Variants in APC observed in about 807,000 individuals in gnomAD.
APC encodes adenomatous polyposis coli protein.
Under a neutral mutation model 247.0 loss-of-function variants are expected in APC, and 72 were observed. The ratio of observed to expected loss-of-function variants is 0.29; its 90% CI spans 0.24 to 0.35. APC has a LOEUF of 0.35. Ranked by LOEUF, APC falls within the 10% of genes least tolerant of loss-of-function variation. APC has a pLI of 1.00. For synonymous variants in APC, 1,254 were observed against 1,162.5 expected (o/e 1.08, Z -1.60); for missense variants, 3,400 against 3,360.7 (o/e 1.01, Z -0.29).
At chr5:112,827,341 C>G (rs2149811316) in intron 12 of APC, 94 bp downstream of exon 12, 1 of 1,362,724 alleles carries the variant, frequency 7.3e-7, no homozygotes, top group Admixed American at 1.8e-5. Context: ...TTTTTTTTCA[C>G]TCTCCTCATT....
At chr5:112,716,457 G>C (rs1188485660) in intron 1 of APC, among the ~76,000 whole-genome samples, 1 of 152,068 alleles carries the variant, frequency 6.6e-6, no homozygotes, top group East Asian at 1.9e-4. Context: ...TCAAAGGCCT[G>C]TTATTTCAGA....
At chr5:112,718,340 G>A (rs1751295777) in intron 1 of APC, among the ~76,000 whole-genome samples, 1 of 152,202 alleles carries the variant, frequency 6.6e-6, no homozygotes, top group Admixed American at 6.5e-5. Context: ...GCCTGGGGGT[G>A]TGAGAACATC....
At chr5:112,762,346 C>G (rs1464918168) in intron 2 of APC, among the ~76,000 whole-genome samples, 1 of 152,132 alleles carries the variant, frequency 6.6e-6, no homozygotes, top group Non-Finnish European at 1.5e-5. Flanking sequence ...GAAATGTACT[C>G]AAGAGAAGTG....
At chr5:112,711,898 T>A (rs1042921453) in intron 1 of APC, among the ~76,000 whole-genome samples, 2 of 152,076 alleles carry the variant, frequency 1.3e-5, no homozygotes, top group African/African-American at 2.4e-5. Flanking sequence ...AAAAAAAAAA[T>A]TGCCACCAAT....
intron 8 of APC, among the ~76,000 whole-genome samples, chr5:112,812,340 A>T (rs1192357913): frequency 1.3e-5 from 2 of 152,158 alleles, no homozygotes; most frequent in African/African-American, 4.8e-5. Context: ...ACCAAGAAAA[A>T]GGTTCCTTGT....
chr5:112,826,340 CT>C (rs897950053), intron 11 of APC, among the ~76,000 whole-genome samples: 3 of 151,150 alleles, frequency 2.0e-5, no homozygotes, highest in Non-Finnish European at 4.4e-5. Context: ...TTTTGCTTCA[CT>C]TTTTTTTTAA....
intron 1 of APC, among the ~76,000 whole-genome samples, chr5:112,728,477 A>G (rs1199446013): frequency 1.3e-5 from 2 of 152,208 alleles, no homozygotes; most frequent in Non-Finnish European, 2.9e-5. Flanking sequence ...AGTGTTGCTC[A>G]GGGAAGCCAA....
intron 2 of APC, among the ~76,000 whole-genome samples, chr5:112,758,560 C>T (rs1203181396): frequency 2.6e-5 from 4 of 151,926 alleles, no homozygotes; most frequent in Non-Finnish European, 5.9e-5. Context: ...CTCCTGACCT[C>T]GTGATCCACC....
rs757901425 is a variant in APC at position 112,843,651 on chromosome 5, T to C, written c.8057T>C (p.Val2686Ala). The C allele has an allele frequency of 1.8e-5, 29 of 1,613,774 alleles. No individual in the cohort carries two copies. Among genetic ancestry groups the C allele is most frequent in the Non-Finnish European group, 2.4e-5 (28 of 1,179,830 alleles). Reference protein sequence around the residue: ...TGNTPPVIDSVSEKANPNIKD... With the variant: ...TGNTPPVIDSASEKANPNIKD... The stretch of plus-strand genomic sequence containing the variant: ...AATACTCCCCCGGTGATTGACAGTG[T>C]TTCAGAAAAGGCAAATCCAAACATT... The change falls in exon 16 of 16, where the codon GTT (valine) becomes GCT (alanine). Residue 2686 changes from valine to alanine, a missense_variant. By Grantham distance (64) the Val-to-Ala change is moderately conservative. Around this residue, in one of 9 missense-constraint regions of APC, gnomAD observed 1,788 missense variants for 1,649.5 expected, o/e 1.08. Transcript: ENST00000257430. The surrounding 1 kb of genome is among the most constrained non-coding windows in gnomAD (Gnocchi z 4.8).
At chr5:112,746,702 A>T (rs1753725272) in intron 1 of APC, among the ~76,000 whole-genome samples, 1 of 152,246 alleles carries the variant, frequency 6.6e-6, no homozygotes, top group Admixed American at 6.5e-5. Context: ...AAATTTACTG[A>T]AATCTGAGTA....
At chr5:112,780,591 G>A (rs972422706) in intron 5 of APC, among the ~76,000 whole-genome samples, 199 bp from the exon 6 acceptor site, 5 of 152,066 alleles carry the variant, frequency 3.3e-5, no homozygotes, top group African/African-American at 9.7e-5. Flanking sequence ...TGAATTCCAC[G>A]TCACATCAGG....
chr5:112,817,058 T>C (rs1005905985), intron 9 of APC, among the ~76,000 whole-genome samples: 3 of 151,516 alleles, frequency 2.0e-5, no homozygotes, highest in African/African-American at 4.8e-5. Context: ...TTAGTAGAGA[T>C]GGGGTTTTGC....
intron 11 of APC, 97 bp downstream of exon 11, chr5:112,822,088 T>C: frequency 1.1e-6 from 1 of 880,728 alleles, no homozygotes; most frequent in Non-Finnish European, 1.8e-6. Context: ...TTTTAATCAT[T>C]GATGAATTAG....
chr5:112,836,166 C>A lies in APC; in HGVS notation c.1958+1001C>A, dbSNP rs200528123. ...CTCCCGAGTAGCTGGGATTACAGGT[C>A]CCCCCCCCCCCCCGCCACCGTGCCC... On this transcript the variant is annotated intron_variant, in intron 15 of 15. Coordinates refer to ENST00000257430, the MANE Select transcript of APC (RefSeq NM_000038.6). Among the ~76,000 whole-genome samples, 2 of 5,856 alleles carry A rather than the reference C, an allele frequency of 3.4e-4. 1 individual carries two copies. The highest frequency in any genetic ancestry group is 8.5e-4 in the Non-Finnish European group (2 of 2,352). 3.8% of individuals were successfully genotyped at this position (5,856 alleles called of 152,430 possible). A position where few individuals can be genotyped will look rare whatever the true frequency, so the allele number is the denominator to read the frequency against.
chr5:112,735,355 C>G (rs1024788216), upstream of APC, among the ~76,000 whole-genome samples: 4 of 151,936 alleles, frequency 2.6e-5, no homozygotes, highest in Non-Finnish European at 5.9e-5. Flanking sequence ...TTTTTGTATT[C>G]TTGGTAGAAA....
chr5:112,745,548 TTTATTATTA>T (rs139166227), intron 1 of APC, among the ~76,000 whole-genome samples: 1,498 of 148,722 alleles, frequency 0.01, 16 homozygotes, highest in South Asian at 0.022. Flanking sequence ...TAATATTCAC[TTTATTATTA>T]TTATTATTAT....
intron 8 of APC, among the ~76,000 whole-genome samples, chr5:112,808,774 C>T (rs982241489): frequency 6.6e-6 from 1 of 152,142 alleles, no homozygotes; most frequent in Non-Finnish European, 1.5e-5. Flanking sequence ...CCATGATATA[C>T]TTCAACATGT....
At chr5:112,828,252 T>G (rs560044203) in intron 13 of APC, among the ~76,000 whole-genome samples, 1 of 152,244 alleles carries the variant, frequency 6.6e-6, no homozygotes, top group African/African-American at 2.4e-5. Flanking sequence ...GCTCAAGCAA[T>G]CTGCCCACCT....
chr5:112,788,902 G>A (rs1459401750), intron 6 of APC, among the ~76,000 whole-genome samples: 1 of 151,992 alleles, frequency 6.6e-6, no homozygotes, highest in Non-Finnish European at 1.5e-5. Flanking sequence ...AGTCCTTACA[G>A]CGTTTTTTCT....
Sources: gnomAD v4.1 joint callset for allele counts (sites outside exome capture counted in the v4.1 genomes callset) on GRCh38, gnomAD v4.1.1 for gene constraint, gnomAD v4.1.1 regional missense constraint, Gnocchi (gnomAD v3.1) non-coding constraint, MANE v1.5 for transcripts, NCBI Gene and HGNC (gene_info 2026-07-23, HGNC 2026-07-21) for gene names.